The following KIAA1671 variants were observed in gnomAD, a reference collection of about 807,000 sequenced individuals.
KIAA1671 encodes the protein KIAA1671.
KIAA1671 carries 52 observed loss-of-function variants against 131.2 expected under a neutral mutation model. The observed-to-expected ratio is 0.40, with a 90% CI of 0.32 to 0.50. KIAA1671 has a LOEUF of 0.50. KIAA1671 is among the 20% of genes least tolerant of loss of function. The pLI is 0.73. For synonymous variants in KIAA1671, 1,003 were observed against 961.6 expected (o/e 1.04, Z -0.80); for missense variants, 2,360 against 2,364.2 (o/e 1.00, Z 0.04).
At chr22:25,146,625 A>G (rs953185189) in intron 6 of KIAA1671, among the ~76,000 whole-genome samples, 3 of 152,350 alleles carry the variant, frequency 2.0e-5, no homozygotes, top group Middle Eastern at 3.4e-3. Flanking sequence ...TCCCCAGGGC[A>G]GGTGACTTCC....
chr22:25,053,363 C>G (rs1413687843), intron 6 of KIAA1671: 1 of 152,274 alleles, frequency 6.6e-6, no homozygotes, highest in East Asian at 1.9e-4. Context: ...TGCATTTTCA[C>G]AGGGACCATA....
chr22:25,159,846 A>G (rs1260434929), intron 6 of KIAA1671, among the ~76,000 whole-genome samples: 1 of 152,186 alleles, frequency 6.6e-6, no homozygotes, highest in South Asian at 2.1e-4. Flanking sequence ...TATATCTGCA[A>G]TCTAAAAGTT....
chr22:25,171,329 G>A (rs1214672897), intron 7 of KIAA1671, among the ~76,000 whole-genome samples: 5 of 152,086 alleles, frequency 3.3e-5, no homozygotes, highest in African/African-American at 1.2e-4. Flanking sequence ...ACTTGAACCT[G>A]GGAGGCGGAG....
intron 5 of KIAA1671, among the ~76,000 whole-genome samples, chr22:25,041,986 C>G (rs374124204): frequency 6.6e-6 from 1 of 152,208 alleles, no homozygotes; most frequent in South Asian, 2.1e-4. Context: ...TCAAGTGATC[C>G]TCCTGCCTCG....
Position 24,971,277 on chromosome 22 carries a change from T to C in KIAA1671, c.-208+18505T>C, listed in dbSNP as rs113657231. Among the ~76,000 whole-genome samples the C allele has an allele frequency of 9.0e-3, 1,374 of 152,334 alleles. 29 individuals are homozygous for C. The highest frequency in any genetic ancestry group is 0.031 in the African/African-American group (1,303 of 41,582). ...AGCCAGCTGCTGTCATTGATACTACTATCTAGCTGTCTGATTCCACATGGG... is the reference window on the plus strand; with the variant it reads ...AGCCAGCTGCTGTCATTGATACTACCATCTAGCTGTCTGATTCCACATGGG... On this transcript the variant is annotated intron_variant, in intron 1 of 12. Transcript: ENST00000358431.
rs6004445 is a variant in KIAA1671, at chr22:25,127,632, C to T, written c.4531-43188C>T. Among the ~76,000 whole-genome samples, 495 of 152,268 alleles carry T rather than the reference C, an allele frequency of 3.3e-3. 2 individuals carry two copies. The highest frequency in any genetic ancestry group is 0.011 in the African/African-American group (473 of 41,524). ...CATATTTGTGTGTCATTAACAGCCACGGCTAATTAGGAAGGAAGGGTTAAG... is the reference window on the plus strand; with the variant it reads ...CATATTTGTGTGTCATTAACAGCCATGGCTAATTAGGAAGGAAGGGTTAAG... On this transcript the variant is annotated intron_variant, in intron 6 of 12. Transcript: ENST00000358431.
intron 6 of KIAA1671, among the ~76,000 whole-genome samples, chr22:25,164,846 G>A (rs1933583779): frequency 6.6e-6 from 1 of 152,014 alleles, no homozygotes; most frequent in Non-Finnish European, 1.5e-5. Context: ...TATTCGGGAG[G>A]CTGAGGCAGG....
In KIAA1671 at chr22:25,196,290, G is replaced by C. The variant is rs1468612525; in HGVS notation, c.*3889G>C. 2 of 151,994 alleles carry C rather than the reference G, an allele frequency of 1.3e-5. No homozygotes were observed. Among genetic ancestry groups the C allele is most frequent in the African/African-American group, 4.8e-5 (2 of 41,356 alleles). 9.4% of individuals were successfully genotyped at this position (151,994 alleles called of 1,614,324 possible). A position where few individuals can be genotyped will look rare whatever the true frequency, so the allele number is the denominator to read the frequency against. ...CACCCCTCAGCCCGCCCTCCCCTTTGGCCTTCCCAGAATCTCCTTCAGTGG... is the reference window on the plus strand; with the variant it reads ...CACCCCTCAGCCCGCCCTCCCCTTTCGCCTTCCCAGAATCTCCTTCAGTGG... On this transcript the variant is annotated 3_prime_UTR_variant, in exon 13 of 13. Transcript: ENST00000358431.
At chr22:25,149,785 G>T (rs571032243) in intron 6 of KIAA1671, among the ~76,000 whole-genome samples, 28 of 152,038 alleles carry the variant, frequency 1.8e-4, no homozygotes, top group African/African-American at 6.0e-4. Flanking sequence ...CTTGTCCCTT[G>T]GAGTGGTAAT....
intron 1 of KIAA1671, among the ~76,000 whole-genome samples, chr22:24,998,897 T>C (rs1257421912): frequency 6.6e-6 from 1 of 151,988 alleles, no homozygotes; most frequent in East Asian, 1.9e-4. Context: ...CCACAATTTA[T>C]GTATCAAATG....
chr22:25,164,326 C>A (rs1175443019), intron 6 of KIAA1671, among the ~76,000 whole-genome samples: 2 of 152,160 alleles, frequency 1.3e-5, no homozygotes, highest in African/African-American at 2.4e-5. Flanking sequence ...CATAGCTGTT[C>A]CTGCTTCTGG....
At chr22:25,067,262 G>A (rs1392572510) in intron 6 of KIAA1671, among the ~76,000 whole-genome samples, 1 of 150,516 alleles carries the variant, frequency 6.6e-6, no homozygotes, top group East Asian at 2.0e-4. Flanking sequence ...TGGACTCGCC[G>A]GGTCTTGGAC....
rs947507337 is a variant in KIAA1671 at position 25,192,960 on chromosome 22, A to C, written c.*559A>C. ...GGTGAGTTCCTTCTTCCCCTTGAGG[A>C]ATCAGCAGTTCCAATTTTTAAACAT... On this transcript the variant is annotated 3_prime_UTR_variant, in exon 13 of 13. Coordinates refer to ENST00000358431, the MANE Select transcript of KIAA1671 (RefSeq NM_001145206.2). 6.6e-6 allele frequency: 1 copy of C among 151,866 alleles called. No homozygotes were observed. Among genetic ancestry groups the C allele is most frequent in the African/African-American group, 2.4e-5 (1 of 41,326 alleles). The allele number at this position is 151,866 out of a possible 1,614,324, so 9.4% of individuals were successfully genotyped here. A position where few individuals can be genotyped will look rare whatever the true frequency, so the allele number is the denominator to read the frequency against.
intron 1 of KIAA1671, among the ~76,000 whole-genome samples, chr22:24,955,977 A>T (rs1292178764): frequency 6.6e-6 from 1 of 150,902 alleles, no homozygotes; most frequent in Non-Finnish European, 1.5e-5. Context: ...GTGAAGCAAG[A>T]TCATGCCACT....
chr22:25,005,346 T>TAA (rs569086369), intron 1 of KIAA1671, among the ~76,000 whole-genome samples: 3,041 of 111,404 alleles, frequency 0.027, 123 homozygotes, highest in African/African-American at 0.09. Flanking sequence ...AGACTCCATC[T>TAA]AAAAAAAAAA....
chr22:25,191,976 T>C (rs1934685139), intron 12 of KIAA1671, among the ~76,000 whole-genome samples: 1 of 152,168 alleles, frequency 6.6e-6, no homozygotes, highest in Non-Finnish European at 1.5e-5. Context: ...TACATATGTG[T>C]ATATATTACA....
intron 1 of KIAA1671, among the ~76,000 whole-genome samples, chr22:24,960,501 C>T (rs1290040070): frequency 6.1e-5 from 9 of 147,030 alleles, no homozygotes; most frequent in East Asian, 2.0e-4. Flanking sequence ...GAGCTGAGAT[C>T]GCGCCACTGC....
intron 12 of KIAA1671, 142 bp downstream of exon 12, chr22:25,190,926 G>T (rs1039001501): frequency 9.5e-5 from 58 of 611,612 alleles, no homozygotes; most frequent in Non-Finnish European, 1.6e-4. Context: ...GGGGTGGGGG[G>T]TGTTCTGAGT....
chr22:25,112,615 A>G (rs1247339679), intron 6 of KIAA1671: 2 of 388,594 alleles, frequency 5.1e-6, no homozygotes, highest in Non-Finnish European at 9.1e-6. Flanking sequence ...TGTCCCCTGT[A>G]CCTGGGAAAG....
Sources: allele counts gnomAD v4.1 joint callset (sites outside exome capture counted in the v4.1 genomes callset), GRCh38; gene constraint gnomAD v4.1.1; transcripts MANE v1.5; gene names NCBI Gene and HGNC (gene_info 2026-07-23, HGNC 2026-07-21).